Variants in MAP3K7CL observed in about 807,000 individuals in gnomAD.
The protein encoded by MAP3K7CL is MAP3K7 C-terminal like.
In MAP3K7CL, 16 loss-of-function variants were observed where a neutral mutation model predicts 18.6. That is an observed-to-expected ratio of 0.86 (90% CI 0.58 to 1.31). The LOEUF (loss-of-function observed/expected upper bound fraction) is 1.31, where lower values mean the gene tolerates loss of function less well. Among genes scored for constraint, MAP3K7CL ranks in the 50% most tolerant of loss-of-function variants. MAP3K7CL has a pLI of 0.00. For missense variants in MAP3K7CL, 163 were observed against 174.4 expected, an observed-to-expected ratio of 0.93 and a Z score of 0.37; for synonymous variants, 65 against 66.8, an observed-to-expected ratio of 0.97 and a Z score of 0.13.
chr21:29,160,098 A>T (rs760524864), intron 4 of MAP3K7CL, 42 bp downstream of exon 4: 4 of 1,530,828 alleles, frequency 2.6e-6, no homozygotes, highest in Non-Finnish European at 3.6e-6. Flanking sequence ...AGCACTGCCT[A>T]CTGGGCAAGG....
rs746778626 is a variant in MAP3K7CL at position 29,174,746 on chromosome 21, A to G, written c.283A>G (p.Lys95Glu). The G allele has an allele frequency of 5.0e-6, 8 of 1,614,034 alleles. No individual in the cohort carries two copies. Among genetic ancestry groups the G allele is most frequent in the South Asian group, 3.3e-5 (3 of 91,080 alleles). Residue 95 changes from lysine (K) to glutamate (E), a missense_variant, in exon 5 of 5, where the codon AAG becomes GAG. Physicochemically the swap from Lys to Glu is moderately conservative, Grantham distance 56. Coordinates refer to ENST00000399928, the MANE Select transcript of MAP3K7CL (RefSeq NM_001286620.2). ...CATTGCCAAGTTAGATCAGGCAGAAAAGGAGAAGGTGGATGCTGCTGAGCT... is the reference window on the plus strand; with the variant it reads ...CATTGCCAAGTTAGATCAGGCAGAAGAGGAGAAGGTGGATGCTGCTGAGCT... ...ELIAKLDQAE[K>E]EKVDAAELVR...
chr21:29,152,338 G>T (rs977459626), intron 3 of MAP3K7CL, among the ~76,000 whole-genome samples: 1 of 152,204 alleles, frequency 6.6e-6, no homozygotes, highest in Non-Finnish European at 1.5e-5. Flanking sequence ...GGAAGTCTCT[G>T]TATTGAAAGC....
At chr21:29,091,631 A>T (rs1010847851) in intron 2 of MAP3K7CL, 31 of 701,184 alleles carry the variant, frequency 4.4e-5, no homozygotes, top group Non-Finnish European at 7.3e-5. Context: ...GTGCACCACC[A>T]CATCCAGCTA....
At chr21:29,162,832 G>A (rs1267226160) in intron 4 of MAP3K7CL, among the ~76,000 whole-genome samples, 1 of 152,006 alleles carries the variant, frequency 6.6e-6, no homozygotes, top group African/African-American at 2.4e-5. Flanking sequence ...GGGGCCAGGC[G>A]CAGAGGCTCA....
chr21:29,156,622 A>G (rs1452787636), intron 3 of MAP3K7CL, among the ~76,000 whole-genome samples: 1 of 152,206 alleles, frequency 6.6e-6, no homozygotes. Flanking sequence ...CTCAGTCAGG[A>G]CCTGATGATA....
chr21:29,095,904 A>G (rs931569529), intron 4 of MAP3K7CL, among the ~76,000 whole-genome samples: 1 of 152,222 alleles, frequency 6.6e-6, no homozygotes, highest in African/African-American at 2.4e-5. Context: ...ACACAAAACA[A>G]TTAGGGCAGT....
chr21:29,151,324 G>A (rs904288323), intron 3 of MAP3K7CL, among the ~76,000 whole-genome samples: 5 of 151,776 alleles, frequency 3.3e-5, no homozygotes, highest in Non-Finnish European at 7.4e-5. Flanking sequence ...AGGTGTGGTG[G>A]CACACACCTA....
upstream of MAP3K7CL, among the ~76,000 whole-genome samples, chr21:29,083,124 C>T (rs563002153): frequency 6.6e-6 from 1 of 152,266 alleles, no homozygotes; most frequent in South Asian, 2.1e-4. Context: ...TCTAAAGGTA[C>T]TTGGGTGTTT....
At chr21:29,163,758 C>A (rs185622512) in intron 4 of MAP3K7CL, among the ~76,000 whole-genome samples, 128 of 145,948 alleles carry the variant, frequency 8.8e-4, no homozygotes, top group African/African-American at 3.1e-3. Context: ...TGCAGTGATG[C>A]AATCATAGCT....
upstream of MAP3K7CL, chr21:29,127,891 T>A (rs796537994): frequency 6.6e-6 from 1 of 152,248 alleles, no homozygotes; most frequent in Non-Finnish European, 1.5e-5. Flanking sequence ...TTCCGTTGTG[T>A]TTAATATGTA....
intron 4 of MAP3K7CL, among the ~76,000 whole-genome samples, chr21:29,105,087 T>C (rs1164964899): frequency 2.0e-5 from 3 of 152,318 alleles, no homozygotes; most frequent in Non-Finnish European, 4.4e-5. Flanking sequence ...TGGCAGGAGC[T>C]GTCTGATTTC....
chr21:29,121,760 C>T (rs930934689), intron 4 of MAP3K7CL, among the ~76,000 whole-genome samples: 4 of 151,354 alleles, frequency 2.6e-5, no homozygotes, highest in Non-Finnish European at 5.9e-5. Flanking sequence ...CTGAAGGGTA[C>T]TTAGGCTACA....
chr21:29,171,833 C>T (rs1353827849), intron 4 of MAP3K7CL, among the ~76,000 whole-genome samples: 1 of 142,784 alleles, frequency 7.0e-6, no homozygotes, highest in South Asian at 2.2e-4. Flanking sequence ...AAAAAAACAA[C>T]ACTCCCATAT....
chr21:29,101,663 C>T (rs886976728), intron 4 of MAP3K7CL, among the ~76,000 whole-genome samples: 6 of 152,176 alleles, frequency 3.9e-5, no homozygotes, highest in Non-Finnish European at 8.8e-5. Flanking sequence ...CTGCCTTGGC[C>T]TCCCGAAGTG....
intron 2 of MAP3K7CL, among the ~76,000 whole-genome samples, chr21:29,139,876 G>A (rs958454385): frequency 1.4e-5 from 2 of 143,218 alleles, no homozygotes; most frequent in Non-Finnish European, 3.0e-5. Context: ...GAGCCACGAC[G>A]CCCAGGCCCC....
chr21:29,130,987 T>G (rs2086769048), intron 1 of MAP3K7CL, 64 bp downstream of exon 1: 19 of 914,616 alleles, frequency 2.1e-5, no homozygotes, highest in East Asian at 1.2e-4. Context: ...ACCAAAGCTC[T>G]GTTACAGCCT....
chr21:29,106,605 A>G (rs1001133034), intron 4 of MAP3K7CL, among the ~76,000 whole-genome samples: 1 of 152,196 alleles, frequency 6.6e-6, no homozygotes, highest in Non-Finnish European at 1.5e-5. Flanking sequence ...CAGTTCGGGA[A>G]CATGACCTCT....
intron 4 of MAP3K7CL, among the ~76,000 whole-genome samples, chr21:29,100,869 C>T (rs564581657): frequency 6.6e-6 from 1 of 151,686 alleles, no homozygotes; most frequent in East Asian, 1.9e-4. Context: ...CCCGCCACCA[C>T]ACCTGGCTAA....
chr21:29,145,933 G>A (rs1440977265), intron 2 of MAP3K7CL, among the ~76,000 whole-genome samples: 1 of 151,896 alleles, frequency 6.6e-6, no homozygotes, highest in Non-Finnish European at 1.5e-5. Flanking sequence ...TATCAGTATG[G>A]TCACATATGT....
Sources: allele counts gnomAD v4.1 joint callset (sites outside exome capture counted in the v4.1 genomes callset), GRCh38; gene constraint gnomAD v4.1.1; transcripts MANE v1.5; gene names NCBI Gene and HGNC (gene_info 2026-07-23, HGNC 2026-07-21).